The following CNTN5 variants were observed in gnomAD, a reference collection of about 807,000 sequenced individuals.
CNTN5 encodes contactin 5, also known as contactin-5.
In CNTN5, 77 loss-of-function variants were observed where a neutral mutation model predicts 129.1. That is an observed-to-expected ratio of 0.60 (90% confidence interval 0.50 to 0.72). CNTN5 has a LOEUF of 0.72. Ranked by LOEUF, CNTN5 falls within the 30% of genes least tolerant of loss-of-function variation. CNTN5 has a pLI of 0.00. For missense variants in CNTN5, 1,478 were observed against 1,328.8 expected, an observed-to-expected ratio of 1.11 and a Z score of -1.75; for synonymous variants, 509 against 465.6, an observed-to-expected ratio of 1.09 and a Z score of -1.20.
rs143761652 is a variant in CNTN5 at position 99,430,520 on chromosome 11, A to C, written c.-71+105036A>C. Among the ~76,000 whole-genome samples, 481 of 150,530 alleles carry C rather than the reference A, an allele frequency of 3.2e-3. 2 individuals are homozygous for C. Among genetic ancestry groups the C allele is most frequent in the African/African-American group, 4.3e-3 (177 of 41,228 alleles). On this transcript the variant is annotated intron_variant, in intron 2 of 24. Transcript: ENST00000524871. The stretch of plus-strand genomic sequence containing the variant: ...TTATAGCTCTCTTTTCTCTCTCTAT[A>C]TATATATAGCTTGAATACCACCTTT...
At chr11:100,050,311 T>C (rs1942886983) in intron 9 of CNTN5, among the ~76,000 whole-genome samples, 1 of 152,188 alleles carries the variant, frequency 6.6e-6, no homozygotes, top group South Asian at 2.1e-4. Flanking sequence ...AATGATGAGT[T>C]CATGTCCTTT....
chr11:99,571,291 A>C (rs1010868487), intron 3 of CNTN5, among the ~76,000 whole-genome samples: 1 of 152,162 alleles, frequency 6.6e-6, no homozygotes, highest in Admixed American at 6.5e-5. Context: ...ACTGGTATGA[A>C]TCTACCAAAT....
intron 13 of CNTN5, among the ~76,000 whole-genome samples, chr11:100,083,761 A>T (rs1399200782): frequency 6.6e-6 from 1 of 152,184 alleles, no homozygotes; most frequent in Non-Finnish European, 1.5e-5. Flanking sequence ...ACAGAAGATC[A>T]GAAGATAAAC....
chr11:99,483,698 G>A (rs553474384), intron 2 of CNTN5, among the ~76,000 whole-genome samples: 1 of 151,996 alleles, frequency 6.6e-6, no homozygotes, highest in South Asian at 2.1e-4. Flanking sequence ...GCGGGGGTGT[G>A]CTCTAATGAC....
At chr11:100,005,245 A>C (rs1940120520) in intron 9 of CNTN5, among the ~76,000 whole-genome samples, 1 of 152,268 alleles carries the variant, frequency 6.6e-6, no homozygotes, top group Admixed American at 6.5e-5. Context: ...AAAATAAATA[A>C]GTTATTTATG....
chr11:99,030,780 C>CTCT (rs1555021307), intron 1 of CNTN5, among the ~76,000 whole-genome samples: 3 of 120,246 alleles, frequency 2.5e-5, no homozygotes, highest in Non-Finnish European at 5.0e-5. Flanking sequence ...TGCTAACTCT[C>CTCT]TTTTTTTTTT....
intron 3 of CNTN5, among the ~76,000 whole-genome samples, chr11:99,814,784 T>A (rs1423130207): frequency 1.3e-5 from 2 of 151,988 alleles, no homozygotes; most frequent in Non-Finnish European, 2.9e-5. Flanking sequence ...AAATTATGTA[T>A]TAGTCTGTCT....
intron 2 of CNTN5, among the ~76,000 whole-genome samples, chr11:99,439,383 C>T (rs1373972039): frequency 6.6e-6 from 1 of 151,672 alleles, no homozygotes; most frequent in Non-Finnish European, 1.5e-5. Flanking sequence ...TAAAAATAAA[C>T]TTGTACACAA....
At chr11:100,050,207 AAAG>A (rs1942880989) in intron 9 of CNTN5, among the ~76,000 whole-genome samples, 1 of 152,224 alleles carries the variant, frequency 6.6e-6, no homozygotes, top group South Asian at 2.1e-4. Flanking sequence ...TCACAATAGC[AAAG>A]AATTGGAACC....
At chr11:100,230,417 T>C (rs1949464690) in intron 16 of CNTN5, among the ~76,000 whole-genome samples, 1 of 152,210 alleles carries the variant, frequency 6.6e-6, no homozygotes, top group Non-Finnish European at 1.5e-5. Flanking sequence ...TCTTTTCTCT[T>C]ATGCTTTTCA....
chr11:99,161,836 T>C (rs1002202368), intron 1 of CNTN5, among the ~76,000 whole-genome samples: 1 of 152,156 alleles, frequency 6.6e-6, no homozygotes, highest in Non-Finnish European at 1.5e-5. Context: ...TAATATCATA[T>C]TGCCACTGAG....
intron 7 of CNTN5, among the ~76,000 whole-genome samples, chr11:99,918,246 G>T (rs2136021119): frequency 6.6e-6 from 1 of 151,996 alleles, no homozygotes; most frequent in Admixed American, 6.6e-5. Flanking sequence ...ATTCCAGTTT[G>T]CAAAACCCTA....
At chr11:99,757,838 A>C (rs1342919382) in intron 3 of CNTN5, among the ~76,000 whole-genome samples, 1 of 152,082 alleles carries the variant, frequency 6.6e-6, no homozygotes, top group Admixed American at 6.6e-5. Context: ...AAGTATGATA[A>C]ATCCCACTTT....
chr11:100,267,653 G>T (rs1348887194), intron 17 of CNTN5, among the ~76,000 whole-genome samples: 1 of 152,178 alleles, frequency 6.6e-6, no homozygotes, highest in African/African-American at 2.4e-5. Context: ...TAGAGGATCA[G>T]TGAGGCAGGA....
At chr11:100,032,692 CTG>C (rs566761723) in intron 9 of CNTN5, among the ~76,000 whole-genome samples, 67 of 152,150 alleles carry the variant, frequency 4.4e-4, no homozygotes, top group African/African-American at 1.6e-3. Flanking sequence ...AACACTCAAT[CTG>C]TTTTCTTATT....
At chr11:99,743,506 T>C (rs1394098768) in intron 3 of CNTN5, among the ~76,000 whole-genome samples, 1 of 152,190 alleles carries the variant, frequency 6.6e-6, no homozygotes, top group Non-Finnish European at 1.5e-5. Context: ...AATCTCAGTT[T>C]CTTTACCTAT....
intron 1 of CNTN5, among the ~76,000 whole-genome samples, chr11:99,162,751 G>A (rs532560641): frequency 1.3e-5 from 2 of 152,062 alleles, no homozygotes; most frequent in African/African-American, 2.4e-5. Flanking sequence ...GATTGAAGAT[G>A]GCTGTGAATA....
chr11:99,347,312 G>C (rs1937963594), intron 2 of CNTN5, among the ~76,000 whole-genome samples: 1 of 151,898 alleles, frequency 6.6e-6, no homozygotes, highest in Admixed American at 6.6e-5. Context: ...ATTATCAAAG[G>C]GTAAAACAAT....
At chr11:99,969,453 T>A (rs942333676) in intron 8 of CNTN5, among the ~76,000 whole-genome samples, 6 of 152,126 alleles carry the variant, frequency 3.9e-5, no homozygotes, top group Admixed American at 6.6e-5. Context: ...TTATCTAACT[T>A]TTTTTAATAT....
Sources: allele counts gnomAD v4.1 joint callset (sites outside exome capture counted in the v4.1 genomes callset), GRCh38; gene constraint gnomAD v4.1.1; transcripts MANE v1.5; gene names NCBI Gene and HGNC (gene_info 2026-07-23, HGNC 2026-07-21).